PCDH9: variants seen among roughly 807,000 people sequenced by gnomAD.
PCDH9 encodes protocadherin-9.
In PCDH9, 24 loss-of-function variants were observed where a neutral mutation model predicts 70.6. The observed-to-expected ratio is 0.34, with a 90% CI of 0.25 to 0.48. The LOEUF is 0.48. Ranked by LOEUF, PCDH9 falls within the 20% of genes least tolerant of loss-of-function variation. The pLI is 0.99. For synonymous variants in PCDH9, 562 were observed against 558.5 expected (o/e 1.01, Z -0.09); for missense variants, 1,281 against 1,503.6 (o/e 0.85, Z 2.45).
intron 2 of PCDH9, among the ~76,000 whole-genome samples, chr13:66,976,865 T>TTTA (rs1359023678): frequency 6.6e-6 from 1 of 152,148 alleles, no homozygotes; most frequent in Non-Finnish European, 1.5e-5. Flanking sequence ...TAGGACCACC[T>TTTA]TTATTATCAT....
At chr13:66,842,293 A>AAAC (rs1171052124) in intron 3 of PCDH9, among the ~76,000 whole-genome samples, 1 of 152,200 alleles carries the variant, frequency 6.6e-6, no homozygotes, top group African/African-American at 2.4e-5. Flanking sequence ...AGTCTTATTT[A>AAAC]AACATTATAC....
At chr13:67,222,601 T>G (rs1169254618) in intron 2 of PCDH9, 1 of 152,146 alleles carries the variant, frequency 6.6e-6, no homozygotes, top group East Asian at 1.9e-4. Flanking sequence ...TAACCAAGAA[T>G]CTTGCATTTT....
chr13:66,958,532 T>G (rs1039504519), intron 2 of PCDH9, among the ~76,000 whole-genome samples: 4 of 152,184 alleles, frequency 2.6e-5, no homozygotes, highest in African/African-American at 9.6e-5. Context: ...AAACACATAC[T>G]GTATAGCAGT....
Position 66,911,743 on chromosome 13 carries a change from C to T in PCDH9, c.3037-8138G>A, listed in dbSNP as rs559260861. Among the ~76,000 whole-genome samples, 4 of 152,250 alleles carry T rather than the reference C, an allele frequency of 2.6e-5. No individual in the cohort carries two copies. In the East Asian group the frequency reaches 7.7e-4, roughly 29 times the overall value. On this transcript the variant is annotated intron_variant, in intron 2 of 4. Transcript: ENST00000377865. The stretch of plus-strand genomic sequence containing the variant: ...AATTACAGGATTACATGTTATATTG[C>T]TTGAGCAAAGCTCTATTAGTCAGCT...
chr13:66,303,964 C>T lies in PCDH9; in HGVS notation c.*691G>A, dbSNP rs1379303822. 2 of 152,034 alleles carry T rather than the reference C, an allele frequency of 1.3e-5. No individual in the cohort carries two copies. Among genetic ancestry groups the T allele is most frequent in the African/African-American group, 2.4e-5 (1 of 41,336 alleles). 9.4% of individuals were successfully genotyped at this position (152,034 alleles called of 1,614,324 possible). On this transcript the variant is annotated 3_prime_UTR_variant, in exon 5 of 5. Transcript: ENST00000377865. ...GAACAATGTGTGTCAAGACAGACTA[C>T]TAACACAGAAACACCTCACTGAAAG... is the stretch of plus-strand genomic sequence containing the variant.
chr13:66,428,208 T>TTAGTTC (rs1391612324), intron 4 of PCDH9, among the ~76,000 whole-genome samples: 1 of 151,722 alleles, frequency 6.6e-6, no homozygotes, highest in Non-Finnish European at 1.5e-5. Context: ...AACACCTGAC[T>TTAGTTC]TAGTTCTACA....
intron 2 of PCDH9, among the ~76,000 whole-genome samples, chr13:67,075,754 A>G (rs1317670919): frequency 6.6e-6 from 1 of 152,104 alleles, no homozygotes; most frequent in African/African-American, 2.4e-5. Context: ...CCATTTGATT[A>G]GTCTAGTTAT....
At chr13:66,602,844 T>C (rs866668187) in intron 4 of PCDH9, among the ~76,000 whole-genome samples, 4 of 146,036 alleles carry the variant, frequency 2.7e-5, no homozygotes, top group Middle Eastern at 7.1e-3. Flanking sequence ...CCATCTTTGA[T>C]CTTTTATACT....
chr13:67,154,800 T>G (rs1040371901), intron 2 of PCDH9, among the ~76,000 whole-genome samples: 3 of 150,272 alleles, frequency 2.0e-5, no homozygotes, highest in Admixed American at 2.0e-4. Flanking sequence ...CGCCTCTGGA[T>G]CCAAATGATT....
chr13:66,781,044 T>C (rs930974493), intron 3 of PCDH9, among the ~76,000 whole-genome samples: 1 of 152,288 alleles, frequency 6.6e-6, no homozygotes, highest in Admixed American at 6.5e-5. Flanking sequence ...CATAAATTAC[T>C]CATCATATGA....
At chr13:67,058,253 C>T (rs143155316) in intron 2 of PCDH9, among the ~76,000 whole-genome samples, 33 of 152,192 alleles carry the variant, frequency 2.2e-4, no homozygotes, top group East Asian at 2.1e-3. Context: ...TCCACACACA[C>T]GTGCGAACAT....
At chr13:67,134,051 T>A (rs1263950232) in intron 2 of PCDH9, among the ~76,000 whole-genome samples, 1 of 152,124 alleles carries the variant, frequency 6.6e-6, no homozygotes, top group Non-Finnish European at 1.5e-5. Context: ...ATTCTGTATA[T>A]CCAATAATTG....
At chr13:67,012,641 T>C in intron 2 of PCDH9, among the ~76,000 whole-genome samples, 1 of 151,930 alleles carries the variant, frequency 6.6e-6, no homozygotes, top group African/African-American at 2.4e-5. Flanking sequence ...TCGCATTTTT[T>C]TCCATTTCAT....
chr13:66,788,927 A>C (rs2080122355), intron 3 of PCDH9, among the ~76,000 whole-genome samples: 1 of 152,022 alleles, frequency 6.6e-6, no homozygotes, highest in Non-Finnish European at 1.5e-5. Flanking sequence ...TTTTCTAAAA[A>C]TCCACTTGAT....
At chr13:66,588,221 G>T (rs1326876997) in intron 4 of PCDH9, among the ~76,000 whole-genome samples, 1 of 145,598 alleles carries the variant, frequency 6.9e-6, no homozygotes, top group Non-Finnish European at 1.5e-5. Flanking sequence ...GATACCCCCT[G>T]ATGGTGCTTA....
At chr13:67,022,242 C>A (rs960859595) in intron 2 of PCDH9, among the ~76,000 whole-genome samples, 1 of 146,568 alleles carries the variant, frequency 6.8e-6, no homozygotes, top group Non-Finnish European at 1.5e-5. Flanking sequence ...CCTCACTCAG[C>A]CTCCCGAGTA....
At chr13:66,965,045 T>A (rs761692705) in intron 2 of PCDH9, among the ~76,000 whole-genome samples, 2 of 151,984 alleles carry the variant, frequency 1.3e-5, no homozygotes, top group Non-Finnish European at 2.9e-5. Context: ...GAATAAAGTA[T>A]TTAAAATTTT....
chr13:66,764,476 A>G (rs891352191), intron 3 of PCDH9, among the ~76,000 whole-genome samples: 1 of 152,054 alleles, frequency 6.6e-6, no homozygotes. Context: ...ACCTCAAAAC[A>G]AGCATAGATC....
At chr13:67,142,844 CAA>C (rs34886805) in intron 2 of PCDH9, among the ~76,000 whole-genome samples, 5 of 134,276 alleles carry the variant, frequency 3.7e-5, no homozygotes, top group Admixed American at 7.5e-5. Context: ...ACTAAAAATA[CAA>C]AAAAAAAAAA....
Sources: gnomAD v4.1 joint callset for allele counts (sites outside exome capture counted in the v4.1 genomes callset) on GRCh38, gnomAD v4.1.1 for gene constraint, MANE v1.5 for transcripts, NCBI Gene and HGNC (gene_info 2026-07-23, HGNC 2026-07-21) for gene names.